Variants in CD8B observed in about 807,000 individuals in gnomAD.
CD8B encodes CD8 subunit beta, also known as T-cell surface glycoprotein CD8 beta chain.
Under a neutral mutation model 24.2 loss-of-function variants are expected in CD8B, and 6 were observed. The observed-to-expected ratio is 0.25, with a 90% CI of 0.14 to 0.49. The LOEUF (loss-of-function observed/expected upper bound fraction) is 0.49. Among genes scored for constraint, CD8B ranks in the 20% least tolerant of loss-of-function variants. The probability of loss-of-function intolerance (pLI) is 0.98; values close to 1 mark genes in which losing one functional copy is unlikely to be tolerated. For synonymous variants in CD8B, 84 were observed against 108.3 expected (o/e 0.78, Z 1.39); for missense variants, 196 against 271.3 (o/e 0.72, Z 1.95).
At chr2:86,826,476 C>G (rs1420720251) in intron 5 of CD8B, among the ~76,000 whole-genome samples, 1 of 152,030 alleles carries the variant, frequency 6.6e-6, no homozygotes, top group African/African-American at 2.4e-5. Context: ...GGTTTGGGGC[C>G]AGGAGAACAA....
intron 1 of CD8B, among the ~76,000 whole-genome samples, chr2:86,860,028 G>A (rs1375517494): frequency 6.6e-6 from 1 of 152,074 alleles, no homozygotes; most frequent in Non-Finnish European, 1.5e-5. Context: ...ACAGCACTTT[G>A]GGAGATCGAG....
intron 4 of CD8B, among the ~76,000 whole-genome samples, chr2:86,845,584 C>G (rs1029859402): frequency 1.3e-5 from 2 of 152,200 alleles, no homozygotes; most frequent in Admixed American, 6.5e-5. Flanking sequence ...CTACACCCAA[C>G]TTACTTTTCA....
chr2:86,848,936 C>T (rs1369297259), intron 3 of CD8B, among the ~76,000 whole-genome samples: 9 of 152,166 alleles, frequency 5.9e-5, no homozygotes, highest in African/African-American at 1.7e-4. Flanking sequence ...AGGCTGGTCT[C>T]GAGCTCCTGA....
chr2:86,847,001 A>G (rs923126807), intron 3 of CD8B, among the ~76,000 whole-genome samples: 19 of 123,566 alleles, frequency 1.5e-4, no homozygotes, highest in African/African-American at 4.7e-4. Context: ...GCAGTGGTGC[A>G]TTCTCAGCTT....
At position 86,861,861 on chromosome 2, in the gene CD8B, C is replaced by T. The variant is rs1676623026; in HGVS notation, c.5G>A (p.Arg2Gln). The T allele has an allele frequency of 7.0e-6, 9 of 1,277,284 alleles. No homozygotes were observed. The highest frequency in any genetic ancestry group is 2.7e-5 in the South Asian group (1 of 36,400). The allele number at this position is 1,277,284 out of a possible 1,614,324, so 79.1% of individuals were successfully genotyped here. A position where few individuals can be genotyped will look rare whatever the true frequency, so the allele number is the denominator to read the frequency against. The part of the protein sequence containing the change: M[R>Q]PRLWLLLAAQ... ...GGCCAAGAGGAGCCACAGCCGCGGC[C>T]GCATCGTGGCGCGCCCGGGACACCT... Residue 2 changes from arginine (R) to glutamine (Q), a missense_variant, in exon 1 of 6, where the codon CGG becomes CAG. Physicochemically the swap from Arg to Gln is conservative, Grantham distance 43. Transcript: ENST00000390655.
intron 5 of CD8B, chr2:86,843,707 C>G (rs1032365805): frequency 2.7e-5 from 27 of 985,144 alleles, no homozygotes; most frequent in Non-Finnish European, 3.3e-5. Flanking sequence ...GTGACTTGAG[C>G]TTGTGCTCTG....
intron 2 of CD8B, among the ~76,000 whole-genome samples, chr2:86,854,835 T>C (rs1676153612): frequency 6.6e-6 from 1 of 151,720 alleles, no homozygotes; most frequent in African/African-American, 2.4e-5. Context: ...AAAAGAAATA[T>C]TAAGGCTGGG....
chr2:86,816,356 T>C (rs1276540689), intron 5 of CD8B, among the ~76,000 whole-genome samples: 1 of 152,228 alleles, frequency 6.6e-6, no homozygotes, highest in African/African-American at 2.4e-5. Context: ...CAGGAAGATG[T>C]AAGTTTTCCC....
At chr2:86,817,850 T>C (rs575504039) in intron 5 of CD8B, among the ~76,000 whole-genome samples, 1 of 152,312 alleles carries the variant, frequency 6.6e-6, no homozygotes, top group South Asian at 2.1e-4. Flanking sequence ...TATGTTACCT[T>C]CAGTAGTTTT....
At chr2:86,831,092 C>T (rs759813777) in intron 5 of CD8B, among the ~76,000 whole-genome samples, 19 of 152,050 alleles carry the variant, frequency 1.2e-4, no homozygotes, top group African/African-American at 1.9e-4. Context: ...GTTTTTGAGA[C>T]GGAGTCTTGC....
intron 3 of CD8B, 79 bp downstream of exon 3, chr2:86,852,918 G>C (rs1016916731): frequency 7.2e-7 from 1 of 1,395,260 alleles, no homozygotes; most frequent in African/African-American, 1.5e-5. Flanking sequence ...AAAGTGCCTG[G>C]GGAAGGAAGG....
rs1468008784 is a variant in CD8B at position 86,861,836 on chromosome 2, G to C, written c.30C>G (p.Ala10=). The change falls in exon 1 of 6, where the codon GCC becomes GCG. Residue 10 remains alanine, a synonymous_variant. Transcript: ENST00000390655. ...CCGCCGCCTTACCTGTCAGCTGCGC[G>C]GCCAAGAGGAGCCACAGCCGCGGCC... MRPRLWLLL[A]AQLTVLHGNS... is the part of the protein sequence containing the mutation. 2 of 1,283,250 alleles carry C rather than the reference G, an allele frequency of 1.6e-6. No homozygotes were observed. Among genetic ancestry groups the C allele is most frequent in the African/African-American group, 1.5e-5 (1 of 64,854 alleles). The allele number at this position is 1,283,250 out of a possible 1,614,324, so 79.5% of individuals were successfully genotyped here.
downstream of CD8B, among the ~76,000 whole-genome samples, chr2:86,834,564 C>T (rs1244395624): frequency 1.3e-5 from 2 of 151,866 alleles, no homozygotes; most frequent in African/African-American, 4.8e-5. Context: ...CCATCAGGAG[C>T]GTCTGACCAG....
chr2:86,849,730 G>T (rs1287418091), intron 3 of CD8B, among the ~76,000 whole-genome samples: 24 of 149,282 alleles, frequency 1.6e-4, no homozygotes, highest in Non-Finnish European at 3.3e-4. Context: ...TTGAGACAGG[G>T]TCTTGCTCTG....
intron 5 of CD8B, chr2:86,843,643 C>T: frequency 1.0e-6 from 1 of 984,756 alleles, no homozygotes; most frequent in Non-Finnish European, 1.2e-6. Flanking sequence ...TTAGAGTATT[C>T]AAAAATACAT....
intron 5 of CD8B, among the ~76,000 whole-genome samples, chr2:86,828,337 T>TGTGC (rs757533472): frequency 1.3e-5 from 2 of 151,648 alleles, no homozygotes; most frequent in Admixed American, 6.6e-5. Context: ...TGTGTGTGTG[T>TGTGC]GCGTGTCTGG....
downstream of CD8B, among the ~76,000 whole-genome samples, chr2:86,837,688 G>T (rs1205388761): frequency 7.4e-6 from 1 of 135,284 alleles, no homozygotes; most frequent in Non-Finnish European, 1.6e-5. Flanking sequence ...GCGGGGGTGG[G>T]GATGAGTAAG....
chr2:86,821,400 C>G (rs1416522949), intron 5 of CD8B, among the ~76,000 whole-genome samples: 6 of 152,178 alleles, frequency 3.9e-5, no homozygotes, highest in Admixed American at 3.9e-4. Flanking sequence ...GGAAAAAGAA[C>G]GCACAACTCC....
chr2:86,818,368 T>C (rs1372513917), intron 5 of CD8B, among the ~76,000 whole-genome samples: 1 of 152,170 alleles, frequency 6.6e-6, no homozygotes, highest in Non-Finnish European at 1.5e-5. Flanking sequence ...GCACGGATGT[T>C]GTATTTTTAG....
Sources: gnomAD v4.1 joint callset for allele counts (sites outside exome capture counted in the v4.1 genomes callset) on GRCh38, gnomAD v4.1.1 for gene constraint, MANE v1.5 for transcripts, NCBI Gene and HGNC (gene_info 2026-07-23, HGNC 2026-07-21) for gene names.